The following BEND3 variants were observed in gnomAD, a reference collection of about 807,000 sequenced individuals.
The protein encoded by BEND3 is BEN domain containing 3, also known as BEN domain-containing protein 3.
Under a neutral mutation model 60.1 loss-of-function variants are expected in BEND3, and 13 were observed. The observed-to-expected ratio is 0.22, with a 90% CI of 0.14 to 0.34. BEND3 has a LOEUF of 0.34. Ranked by LOEUF, BEND3 falls within the 10% of genes least tolerant of loss-of-function variation. BEND3 has a pLI of 1.00. For missense variants in BEND3, 896 were observed against 1,138.1 expected, an observed-to-expected ratio of 0.79 and a Z score of 3.06; for synonymous variants, 497 against 491.5, an observed-to-expected ratio of 1.01 and a Z score of -0.15.
At chr6:107,076,444 A>C (rs781846373) in intron 3 of BEND3, among the ~76,000 whole-genome samples, 2 of 152,160 alleles carry the variant, frequency 1.3e-5, no homozygotes, top group Non-Finnish European at 2.9e-5. Context: ...GAGAATGCCC[A>C]AATCTCTCAG....
At chr6:107,096,614 C>CATCA (rs1369016552) in intron 3 of BEND3, among the ~76,000 whole-genome samples, 3 of 151,944 alleles carry the variant, frequency 2.0e-5, no homozygotes, top group Non-Finnish European at 2.9e-5. Flanking sequence ...TCCATCCATC[C>CATCA]ATCAATCAAT....
At chr6:107,088,557 A>G (rs78966419) in intron 3 of BEND3, among the ~76,000 whole-genome samples, 2,258 of 152,290 alleles carry the variant, frequency 0.015, 57 homozygotes, top group African/African-American at 0.052. Context: ...TACTGTTTTC[A>G]AACTACAGAA....
chr6:107,112,775 C>T (rs1363128773), intron 1 of BEND3, among the ~76,000 whole-genome samples: 1 of 151,142 alleles, frequency 6.6e-6, no homozygotes, highest in East Asian at 1.9e-4. Flanking sequence ...ATCACTTGAA[C>T]CCAGGAGGCA....
chr6:107,069,304 G>A lies in BEND3; in HGVS notation c.1887C>T (p.Arg629=), dbSNP rs570697259. The stretch of plus-strand genomic sequence containing the variant: ...TGCCCACGAACTCCAGGGTCCAGAC[G>A]CGGTCGTTTTTGGCGCGTGGGTAGA... ...QLLYPRAKND[R]VWTLEFVGKL... Residue 629 remains arginine, a synonymous_variant, in exon 4 of 4, where the codon CGC becomes CGT. Transcript: ENST00000369042. 73 of 1,613,330 alleles carry A rather than the reference G, an allele frequency of 4.5e-5. 3 individuals carry two copies. The South Asian group carries it at 6.7e-4, about 15-fold the overall frequency.
At position 107,099,339 on chromosome 6, in the gene BEND3, T is replaced by C. The variant is rs148936424; in HGVS notation, c.-11-43A>G. 9.1e-5 allele frequency: 141 copies of C among 1,548,304 alleles called. No individual in the cohort carries two copies. The East Asian group carries it at 2.1e-3, about 23-fold the overall frequency. ...GACAATGTGTTGACTTATTGCTTGATTTATTTCTTAATTTTCTCTACCCAC... is the reference window on the plus strand; with the variant it reads ...GACAATGTGTTGACTTATTGCTTGACTTATTTCTTAATTTTCTCTACCCAC... On this transcript the variant is annotated intron_variant, in intron 1 of 3. Coordinates refer to ENST00000369042, the MANE Select transcript of BEND3 (RefSeq NM_001367314.1).
chr6:107,099,422 TGGAAGC>T, intron 1 of BEND3, 126 bp from the exon 2 acceptor site: 1 of 756,734 alleles, frequency 1.3e-6, no homozygotes, highest in South Asian at 1.7e-5. Flanking sequence ...CACAGCACTG[TGGAAGC>T]TATGTGTCCT....
At chr6:107,097,433 G>C (rs960186695) in intron 3 of BEND3, among the ~76,000 whole-genome samples, 22 of 150,318 alleles carry the variant, frequency 1.5e-4, no homozygotes, top group African/African-American at 4.9e-4. Context: ...AAAAAGAAAA[G>C]CCATTCAGAC....
At position 107,089,383 on chromosome 6, in the gene BEND3, C is replaced by T. The variant is rs184853072; in HGVS notation, c.240+9168G>A. On this transcript the variant is annotated intron_variant, in intron 3 of 3. Coordinates refer to ENST00000369042, the MANE Select transcript of BEND3 (RefSeq NM_001367314.1). ...GGATCACGACGTCAGGAAATTGAGA[C>T]CATCCTGGCTAACACGGTGAAACCC... is the stretch of plus-strand genomic sequence containing the variant. Among the ~76,000 whole-genome samples the T allele has an allele frequency of 2.3e-4, 35 of 151,680 alleles. 1 individual carries two copies. In the East Asian group the frequency reaches 6.2e-3, roughly 27 times the overall value.
chr6:107,091,933 T>C (rs1775485056), intron 3 of BEND3, among the ~76,000 whole-genome samples: 1 of 152,288 alleles, frequency 6.6e-6, no homozygotes, highest in Middle Eastern at 3.4e-3. Flanking sequence ...TGAGTCGTAA[T>C]TCTGTCTCCC....
intron 3 of BEND3, among the ~76,000 whole-genome samples, chr6:107,072,821 A>T (rs1554232247): frequency 2.0e-5 from 3 of 151,948 alleles, no homozygotes. Context: ...TGTCTCTACT[A>T]AAAAAATACA....
At chr6:107,108,930 G>A (rs1402757403) in intron 1 of BEND3, among the ~76,000 whole-genome samples, 11 of 152,060 alleles carry the variant, frequency 7.2e-5, no homozygotes, top group East Asian at 1.9e-4. Flanking sequence ...TCAGCCTCCC[G>A]AGTAGCTGGG....
chr6:107,068,652 G>A lies in BEND3; in HGVS notation c.*52C>T, dbSNP rs1357784275. On this transcript the variant is annotated 3_prime_UTR_variant, in exon 4 of 4. Coordinates refer to ENST00000369042, the MANE Select transcript of BEND3 (RefSeq NM_001367314.1). The surrounding 1 kb of genome is among the most constrained non-coding windows in gnomAD (Gnocchi z 5.8). ...CCAAGTATTGCTCAGTCCCAAGGGT[G>A]CCCATCGCTCAGCCTCTGGTGACCC... 1.9e-6 allele frequency: 3 copies of A among 1,570,850 alleles called. No individual in the cohort carries two copies. The highest frequency in any genetic ancestry group is 8.6e-7 in the Non-Finnish European group (1 of 1,157,386).
intron 1 of BEND3, 120 bp from the exon 2 acceptor site, chr6:107,099,416 G>A: frequency 1.2e-6 from 1 of 804,376 alleles, no homozygotes; most frequent in Admixed American, 2.4e-5. Context: ...GAGCAGCACA[G>A]CACTGTGGAA....
At chr6:107,084,012 C>T (rs889630363) in intron 3 of BEND3, among the ~76,000 whole-genome samples, 10 of 152,216 alleles carry the variant, frequency 6.6e-5, no homozygotes, top group Non-Finnish European at 1.5e-5. Flanking sequence ...TGGAAGGAGC[C>T]TGAAAGTCAG....
rs201901027 is a variant in BEND3, at chr6:107,091,351, T to TA, written c.240+7199dup. Among the ~76,000 whole-genome samples, 578 of 150,974 alleles carry TA rather than the reference T, an allele frequency of 3.8e-3. 2 individuals are homozygous for TA. Among genetic ancestry groups the TA allele is most frequent in the African/African-American group, 0.012 (511 of 41,180 alleles). The stretch of plus-strand genomic sequence containing the variant: ...AAATTACTAACGGGAAATCAATAGA[T>TA]AAAAAAAAATCAATGAAACCAAAAT... On this transcript the variant is annotated intron_variant, in intron 3 of 3. Coordinates refer to ENST00000369042, the MANE Select transcript of BEND3 (RefSeq NM_001367314.1).
intron 3 of BEND3, among the ~76,000 whole-genome samples, chr6:107,079,633 C>T (rs563183442): frequency 6.6e-6 from 1 of 152,260 alleles, no homozygotes; most frequent in African/African-American, 2.4e-5. Context: ...GCATGCCCTG[C>T]AAGGGGACAA....
At chr6:107,091,014 G>A (rs1775464808) in intron 3 of BEND3, among the ~76,000 whole-genome samples, 1 of 151,884 alleles carries the variant, frequency 6.6e-6, no homozygotes, top group Non-Finnish European at 1.5e-5. Flanking sequence ...GTAGGCTGAG[G>A]CAGGATAATT....
intron 1 of BEND3, among the ~76,000 whole-genome samples, chr6:107,103,897 G>T (rs1294404127): frequency 6.7e-6 from 1 of 149,012 alleles, no homozygotes; most frequent in Non-Finnish European, 1.5e-5. Flanking sequence ...GTGAGGAGCC[G>T]AGATCGCGCC....
intron 3 of BEND3, among the ~76,000 whole-genome samples, chr6:107,076,454 G>C (rs1286585515): frequency 2.0e-5 from 3 of 152,158 alleles, no homozygotes; most frequent in African/African-American, 7.2e-5. Context: ...AAATCTCTCA[G>C]CTGGAGAATC....
Sources: gnomAD v4.1 joint callset for allele counts (sites outside exome capture counted in the v4.1 genomes callset) on GRCh38, gnomAD v4.1.1 for gene constraint, Gnocchi (gnomAD v3.1) non-coding constraint, MANE v1.5 for transcripts, NCBI Gene and HGNC (gene_info 2026-07-23, HGNC 2026-07-21) for gene names.